The following SBK3 variants were observed in gnomAD, a reference collection of about 807,000 sequenced individuals.
SBK3 encodes the protein SH3 domain binding kinase family member 3.
In SBK3, 16 loss-of-function variants were observed where a neutral mutation model predicts 12.7. That is an observed-to-expected ratio of 1.26 (90% CI 0.86 to 1.92). The LOEUF is 1.92. Among genes scored for constraint, SBK3 ranks in the 40% most tolerant of loss-of-function variants. The probability of loss-of-function intolerance (pLI) is 0.00; values close to 1 mark genes in which losing one functional copy is unlikely to be tolerated. For synonymous variants in SBK3, 217 were observed against 213.6 expected (o/e 1.02, Z -0.14); for missense variants, 462 against 481.8 (o/e 0.96, Z 0.38).
At chr19:55,544,585 T>C (rs1218122687) in intron 2 of SBK3, among the ~76,000 whole-genome samples, 2 of 152,030 alleles carry the variant, frequency 1.3e-5, no homozygotes, top group Admixed American at 6.5e-5. Flanking sequence ...TTGAGTTGCA[T>C]ACCTGTCCTG....
At position 55,541,262 on chromosome 19, in the gene SBK3, C is replaced by T; in HGVS notation, c.664G>A (p.Ala222Thr). 19 of 1,535,996 alleles carry T rather than the reference C, an allele frequency of 1.2e-5. No homozygotes were observed. The highest frequency in any genetic ancestry group is 1.7e-5 in the Non-Finnish European group (19 of 1,146,874). Residue 222 changes from alanine (A) to threonine (T), a missense_variant, in exon 4 of 4, where the codon GCC becomes ACC. By Grantham distance (58) the Ala-to-Thr change is moderately conservative. Coordinates refer to ENST00000612221, the MANE Select transcript of SBK3 (RefSeq NM_001199824.2). This position sits in a 1 kb window ranked among gnomAD's most constrained non-coding sequence, Gnocchi z 5.3. ...ACCCCCAGGCCCCAGGAGTCCACGG[C>T]TGGCCGCAGAGGCAGGGTGTCGGGC... ...LPPDTLPLRP[A>T]VDSWGLGVLL...
chr19:55,543,655 C>T (rs1988610954), intron 3 of SBK3, among the ~76,000 whole-genome samples: 1 of 151,996 alleles, frequency 6.6e-6, no homozygotes, highest in Non-Finnish European at 1.5e-5. Context: ...AGCCCATCTC[C>T]AACTCAGTCT....
chr19:55,541,117 G>C lies in SBK3; in HGVS notation c.809C>G (p.Pro270Arg). 2.6e-6 allele frequency: 4 copies of C among 1,535,828 alleles called. No homozygotes were observed. Among genetic ancestry groups the C allele is most frequent in the South Asian group, 2.4e-5 (2 of 84,038 alleles). Residue 270 changes from proline (P) to arginine (R), a missense_variant, in exon 4 of 4, where the codon CCA (proline) becomes CGA (arginine). Pro to Arg is a moderately radical substitution (Grantham distance 103). Coordinates refer to ENST00000612221, the MANE Select transcript of SBK3 (RefSeq NM_001199824.2). The surrounding 1 kb of genome is among the most constrained non-coding windows in gnomAD (Gnocchi z 5.3). ...TTKPQPPQPPPPWDQFAPPAL... is the reference protein window; with the variant it reads ...TTKPQPPQPPRPWDQFAPPAL... ...TGGGGGCGCAAACTGGTCCCAGGGT[G>C]GTGGTGGCTGAGGTGGCTGAGGCTT...
chr19:55,543,533 C>T (rs1224288530), intron 3 of SBK3, among the ~76,000 whole-genome samples: 1 of 151,792 alleles, frequency 6.6e-6, no homozygotes, highest in Non-Finnish European at 1.5e-5. Context: ...TATCTCAAAT[C>T]CAAAATCTAT....
At position 55,545,007 on chromosome 19, in the gene SBK3, G is replaced by A; in HGVS notation, c.46-58C>T. ...CGTCTGGGGTCCACTGAGAGTGGTGGGGGAGGAGGTCACGGCGCAGCCCCA... is the reference window on the plus strand; with the variant it reads ...CGTCTGGGGTCCACTGAGAGTGGTGAGGGAGGAGGTCACGGCGCAGCCCCA... On this transcript the variant is annotated intron_variant, in intron 1 of 3. Transcript: ENST00000612221. The surrounding 1 kb of genome is among the most constrained non-coding windows in gnomAD (Gnocchi z 4.4). The A allele has an allele frequency of 1.5e-6, 2 of 1,363,752 alleles. No homozygotes were observed. The highest frequency in any genetic ancestry group is 2.0e-6 in the Non-Finnish European group (2 of 1,012,920). 84.5% of individuals were successfully genotyped at this position (1,363,752 alleles called of 1,614,324 possible). A position where few individuals can be genotyped will look rare whatever the true frequency, so the allele number is the denominator to read the frequency against.
chr19:55,543,973 G>C (rs993842114), intron 3 of SBK3, 127 bp downstream of exon 3: 41 of 717,580 alleles, frequency 5.7e-5, no homozygotes, highest in East Asian at 1.2e-4. Context: ...GAGGTCATGT[G>C]GGGGCTCAGG....
intron 3 of SBK3, among the ~76,000 whole-genome samples, chr19:55,542,491 C>A (rs1241332605): frequency 6.7e-6 from 1 of 148,744 alleles, no homozygotes; most frequent in Admixed American, 6.7e-5. Flanking sequence ...ATCCATCCAT[C>A]CATCCACCCA....
Position 55,541,634 on chromosome 19 carries a change from C to T in SBK3, c.400-108G>A, listed in dbSNP as rs1405243320. ...GCCTCAAGCGATCCTCCTGCCTTGG[C>T]CTCCCAAAGTGCTGGGATTATAGGC... On this transcript the variant is annotated intron_variant, in intron 3 of 3. Transcript: ENST00000612221. This position sits in a 1 kb window ranked among gnomAD's most constrained non-coding sequence, Gnocchi z 5.3. 10 of 875,366 alleles carry T rather than the reference C, an allele frequency of 1.1e-5. No individual in the cohort carries two copies. Among genetic ancestry groups the T allele is most frequent in the Non-Finnish European group, 1.5e-5 (9 of 590,396 alleles). The allele number at this position is 875,366 out of a possible 1,614,324, so 54.2% of individuals were successfully genotyped here.
chr19:55,544,675 C>G (rs904122484), intron 2 of SBK3, 124 bp downstream of exon 2: 2 of 986,496 alleles, frequency 2.0e-6, no homozygotes, highest in Non-Finnish European at 2.9e-6. Context: ...TCTTAACTTT[C>G]AGAGTACCCC....
In SBK3 at chr19:55,544,191, G is replaced by T. The variant is rs1251091945; in HGVS notation, c.308C>A (p.Thr103Asn). 6.5e-7 allele frequency: 1 copy of T among 1,536,024 alleles called. No individual in the cohort carries two copies. Among genetic ancestry groups the T allele is most frequent in the Non-Finnish European group, 8.7e-7 (1 of 1,146,862 alleles). ...CVSAHPGLLQTLAGPLQTPRY... is the reference protein window; with the variant it reads ...CVSAHPGLLQNLAGPLQTPRY... Reference sequence around the variant, plus strand: ...GGGGGTCTGTAGGGGTCCTGCCAGGGTCTGCAGCAGGCCTGGGTGTGCAGA... The same window carrying T: ...GGGGGTCTGTAGGGGTCCTGCCAGGTTCTGCAGCAGGCCTGGGTGTGCAGA... Residue 103 changes from threonine to asparagine, a missense_variant, in exon 3 of 4, where the codon ACC (threonine) becomes AAC (asparagine). By Grantham distance (65) the Thr-to-Asn change is moderately conservative. Coordinates refer to ENST00000612221, the MANE Select transcript of SBK3 (RefSeq NM_001199824.2).
intron 3 of SBK3, among the ~76,000 whole-genome samples, chr19:55,542,239 T>TCCA (rs1367842918): frequency 2.0e-5 from 3 of 152,130 alleles, no homozygotes; most frequent in Non-Finnish European, 4.4e-5. Flanking sequence ...CAACATCCAT[T>TCCA]CCACCAACCA....
In SBK3 at chr19:55,545,538, C is replaced by G; in HGVS notation, c.6G>C (p.Glu2Asp). 4 of 1,534,896 alleles carry G rather than the reference C, an allele frequency of 2.6e-6. No homozygotes were observed. Among genetic ancestry groups the G allele is most frequent in the Non-Finnish European group, 3.5e-6 (4 of 1,146,226 alleles). ...CCTCAGGGGTCTCGGAGGCCCTGCG[C>G]TCCATCTCAGGGCTTCCTGATGTGG... M[E>D]RRASETPEDG... Residue 2 changes from glutamate to aspartate, a missense_variant, in exon 1 of 4, where the codon GAG becomes GAC. Transcript: ENST00000612221. This position sits in a 1 kb window ranked among gnomAD's most constrained non-coding sequence, Gnocchi z 4.4.
Position 55,545,539 on chromosome 19 carries a change from T to A in SBK3, c.5A>T (p.Glu2Val). The A allele has an allele frequency of 2.0e-6, 3 of 1,534,630 alleles. No homozygotes were observed. Among genetic ancestry groups the A allele is most frequent in the Non-Finnish European group, 2.6e-6 (3 of 1,146,118 alleles). The change falls in exon 1 of 4, where the codon GAG becomes GTG. Residue 2 changes from glutamate to valine, a missense_variant. By Grantham distance (121) the Glu-to-Val change is moderately radical. Coordinates refer to ENST00000612221, the MANE Select transcript of SBK3 (RefSeq NM_001199824.2). This position sits in a 1 kb window ranked among gnomAD's most constrained non-coding sequence, Gnocchi z 4.4. M[E>V]RRASETPEDG... The stretch of plus-strand genomic sequence containing the variant: ...CTCAGGGGTCTCGGAGGCCCTGCGC[T>A]CCATCTCAGGGCTTCCTGATGTGGG...
rs1988560048 is a variant in SBK3, at chr19:55,541,448, C to T, written c.478G>A (p.Val160Ile). 1 of 1,535,418 alleles carries T rather than the reference C, an allele frequency of 6.5e-7. No homozygotes were observed. The highest frequency in any genetic ancestry group is 1.2e-5 in the South Asian group (1 of 84,046). The part of the protein sequence containing the change: ...ALDFLHSRGL[V>I]HADVKPDNVL... ...TTGTCAGGTTTGACATCTGCGTGGACCAGCCCCCGGCTGTGGAGGAAGTCC... is the reference window on the plus strand; with the variant it reads ...TTGTCAGGTTTGACATCTGCGTGGATCAGCCCCCGGCTGTGGAGGAAGTCC... The change falls in exon 4 of 4, where the codon GTC (valine) becomes ATC (isoleucine). Residue 160 changes from valine to isoleucine, a missense_variant. By Grantham distance (29) the Val-to-Ile change is conservative. Coordinates refer to ENST00000612221, the MANE Select transcript of SBK3 (RefSeq NM_001199824.2). This position sits in a 1 kb window ranked among gnomAD's most constrained non-coding sequence, Gnocchi z 5.3.
rs56258384 is a variant in SBK3, at chr19:55,544,891, G to C, written c.104C>G (p.Pro35Arg). 42,786 of 1,534,148 alleles carry C rather than the reference G, an allele frequency of 0.028. 927 individuals are homozygous for C. The highest frequency in any genetic ancestry group is 0.14 in the East Asian group (5,648 of 40,728). ...LVELTTSRVT[P>R]VRSLRDQYHL... ...GTACTGGTCCCGAAGGCTCCTCACC[G>C]GGGTCACCCTGCTGGTCGTCAGCTC... The change falls in exon 2 of 4, where the codon CCG (proline) becomes CGG (arginine). Residue 35 changes from proline to arginine, a missense_variant. Physicochemically the swap from Pro to Arg is moderately radical, Grantham distance 103 (BLOSUM62 -2). Transcript: ENST00000612221.
Position 55,545,025 on chromosome 19 carries a change from C to A in SBK3, c.46-76G>T, listed in dbSNP as rs1158634687. ...AGTGGTGGGGGAGGAGGTCACGGCG[C>A]AGCCCCAGGATGGAGGGTGGGGCAG... On this transcript the variant is annotated intron_variant, in intron 1 of 3. Coordinates refer to ENST00000612221, the MANE Select transcript of SBK3 (RefSeq NM_001199824.2). The surrounding 1 kb of genome is among the most constrained non-coding windows in gnomAD (Gnocchi z 4.4). 1 of 1,180,524 alleles carries A rather than the reference C, an allele frequency of 8.5e-7. No homozygotes were observed. Among genetic ancestry groups the A allele is most frequent in the Non-Finnish European group, 1.2e-6 (1 of 853,618 alleles). The allele number at this position is 1,180,524 out of a possible 1,614,324, so 73.1% of individuals were successfully genotyped here. A position where few individuals can be genotyped will look rare whatever the true frequency, so the allele number is the denominator to read the frequency against.
chr19:55,542,886 A>G (rs568005490), intron 3 of SBK3, among the ~76,000 whole-genome samples: 3 of 143,764 alleles, frequency 2.1e-5, no homozygotes, highest in Admixed American at 2.1e-4. Context: ...CCACCCACCA[A>G]TCCTTTCATC....
At chr19:55,543,095 A>G (rs909606749) in intron 3 of SBK3, among the ~76,000 whole-genome samples, 1 of 129,536 alleles carries the variant, frequency 7.7e-6, no homozygotes, top group African/African-American at 3.0e-5. Flanking sequence ...CCTTTCATCC[A>G]TCCATCCACT....
rs951407404 is a variant in SBK3, at chr19:55,544,981, G to A, written c.46-32C>T. ...GAGAGGGGCAGGGTGAGGAGGGGGC[G>A]CGTCTGGGGTCCACTGAGAGTGGTG... On this transcript the variant is annotated intron_variant, in intron 1 of 3. Transcript: ENST00000612221. 2.7e-5 allele frequency: 41 copies of A among 1,496,956 alleles called. No homozygotes were observed. The Admixed American group carries it at 6.0e-4, about 22-fold the overall frequency. 92.7% of individuals were successfully genotyped at this position (1,496,956 alleles called of 1,614,324 possible).
Sources: gnomAD v4.1 joint callset for allele counts (sites outside exome capture counted in the v4.1 genomes callset) on GRCh38, gnomAD v4.1.1 for gene constraint, Gnocchi (gnomAD v3.1) non-coding constraint, MANE v1.5 for transcripts, NCBI Gene and HGNC (gene_info 2026-07-23, HGNC 2026-07-21) for gene names.